Variants in TPRG1 observed in about 807,000 individuals in gnomAD.
TPRG1 encodes tumor protein p63-regulated gene 1 protein.
In TPRG1, 29 loss-of-function variants were observed where a neutral mutation model predicts 29.3. The observed-to-expected ratio is 0.99, with a 90% CI of 0.74 to 1.35. The LOEUF is 1.35. Ranked by LOEUF, TPRG1 falls within the 40% of genes most tolerant of loss-of-function variation. The pLI is 0.00. For missense variants in TPRG1, 327 were observed against 335.0 expected (o/e 0.98, Z 0.19); for synonymous variants, 130 against 116.8 (o/e 1.11, Z -0.73).
chr3:189,080,956 A>G (rs972742019), intron 4 of TPRG1, among the ~76,000 whole-genome samples: 5 of 152,100 alleles, frequency 3.3e-5, no homozygotes, highest in Non-Finnish European at 7.4e-5. Flanking sequence ...GAAGCTACTG[A>G]GATAAGTTAC....
At chr3:189,007,123 G>A (rs964738330) in intron 3 of TPRG1, among the ~76,000 whole-genome samples, 6 of 151,732 alleles carry the variant, frequency 4.0e-5, no homozygotes, top group Non-Finnish European at 7.4e-5. Flanking sequence ...TACAAAATGG[G>A]AGAAAATTTT....
At chr3:189,312,450 A>G (rs546388172) in intron 5 of TPRG1, among the ~76,000 whole-genome samples, 2 of 152,206 alleles carry the variant, frequency 1.3e-5, no homozygotes, top group African/African-American at 4.8e-5. Context: ...TTAAAATAAT[A>G]TATATTTTTG....
intron 4 of TPRG1, among the ~76,000 whole-genome samples, chr3:189,267,067 A>G (rs1714228827): frequency 6.6e-6 from 1 of 152,198 alleles, no homozygotes; most frequent in Admixed American, 6.5e-5. Context: ...GACCACATAT[A>G]TGATGGCAGT....
intron 4 of TPRG1, among the ~76,000 whole-genome samples, chr3:189,264,757 T>C (rs1228434552): frequency 6.6e-6 from 1 of 152,244 alleles, no homozygotes; most frequent in East Asian, 1.9e-4. Flanking sequence ...TAGGTTGTTG[T>C]CTTCCTAAAC....
chr3:189,097,874 T>A (rs1271520395), upstream of TPRG1, among the ~76,000 whole-genome samples: 1 of 152,226 alleles, frequency 6.6e-6, no homozygotes, highest in African/African-American at 2.4e-5. Flanking sequence ...GAACCACAAT[T>A]TGAGAACTAC....
intron 1 of TPRG1, among the ~76,000 whole-genome samples, chr3:189,114,623 C>T (rs79510970): frequency 2.1e-3 from 319 of 152,166 alleles, no homozygotes; most frequent in African/African-American, 6.6e-3. Context: ...CTCATGCCCC[C>T]GAATTCCTCC....
At chr3:189,122,596 A>C (rs3846196) in intron 1 of TPRG1, among the ~76,000 whole-genome samples, 1 of 152,180 alleles carries the variant, frequency 6.6e-6, no homozygotes, top group Non-Finnish European at 1.5e-5. Flanking sequence ...TTGAGCTAGA[A>C]GAAAACTTAC....
intron 3 of TPRG1, among the ~76,000 whole-genome samples, chr3:189,218,221 C>G (rs915346730): frequency 7.2e-5 from 11 of 152,102 alleles, no homozygotes; most frequent in Non-Finnish European, 1.3e-4. Flanking sequence ...TCACACCATT[C>G]TCCTGCCTCA....
At chr3:189,221,932 A>G (rs58437624) in intron 3 of TPRG1, among the ~76,000 whole-genome samples, 8,991 of 152,074 alleles carry the variant, frequency 0.059, 692 homozygotes, top group African/African-American at 0.18. Flanking sequence ...CTCCCAGGCC[A>G]GTTGTCTTCT....
At chr3:189,177,494 GTC>G (rs1285126058) in intron 1 of TPRG1, among the ~76,000 whole-genome samples, 2 of 150,902 alleles carry the variant, frequency 1.3e-5, no homozygotes, top group Non-Finnish European at 3.0e-5. Flanking sequence ...ACATATATAT[GTC>G]TGTTTATATA....
chr3:189,051,124 G>A (rs767430442), intron 4 of TPRG1, among the ~76,000 whole-genome samples: 3 of 152,142 alleles, frequency 2.0e-5, no homozygotes, highest in Non-Finnish European at 2.9e-5. Flanking sequence ...CATCCAAATC[G>A]GTAAAGAGGA....
chr3:189,041,798 C>G (rs1366763527), intron 4 of TPRG1, among the ~76,000 whole-genome samples: 1 of 152,168 alleles, frequency 6.6e-6, no homozygotes, highest in Non-Finnish European at 1.5e-5. Context: ...CTGAAACTGC[C>G]ATGCACAAAG....
intron 1 of TPRG1, among the ~76,000 whole-genome samples, chr3:189,115,938 C>T (rs993498561): frequency 6.6e-6 from 1 of 152,024 alleles, no homozygotes; most frequent in African/African-American, 2.4e-5. Context: ...CAATGAGATA[C>T]CACACCACAC....
chr3:189,278,192 T>A (rs1323872730), intron 4 of TPRG1, among the ~76,000 whole-genome samples: 1 of 152,132 alleles, frequency 6.6e-6, no homozygotes, highest in Non-Finnish European at 1.5e-5. Flanking sequence ...TCTGCCTTTG[T>A]AGAGTTAAAA....
chr3:189,250,503 C>T (rs1160709312), intron 4 of TPRG1, among the ~76,000 whole-genome samples: 1 of 57,776 alleles, frequency 1.7e-5, no homozygotes, highest in Non-Finnish European at 3.6e-5. Context: ...TTCTGATTTC[C>T]GCCCCCCCCC....
chr3:189,247,890 T>G (rs1317613450), intron 4 of TPRG1, among the ~76,000 whole-genome samples: 2 of 151,942 alleles, frequency 1.3e-5, no homozygotes, highest in African/African-American at 4.8e-5. Flanking sequence ...CTATTGAATA[T>G]TAATATGCTA....
intron 5 of TPRG1, among the ~76,000 whole-genome samples, chr3:189,155,804 G>A (rs917227450): frequency 3.0e-4 from 46 of 152,210 alleles, no homozygotes; most frequent in African/African-American, 1.1e-3. Context: ...TAGAAGCAGA[G>A]TGTAGAATTT....
In TPRG1 at chr3:189,076,923, C is replaced by CATATATAT. The variant is rs150949911; in HGVS notation, c.-462-50122_-462-50115dup. The stretch of plus-strand genomic sequence containing the variant: ...CACTTCACAAAAGAATATATGTGTA[C>CATATATAT]ATATATATATATATATATAGCCAAT... On this transcript the variant is annotated intron_variant, in intron 4 of 10. Transcript: ENST00000433971. Among the ~76,000 whole-genome samples the CATATATAT allele has an allele frequency of 2.1e-3, 300 of 140,666 alleles. 2 individuals carry two copies. The highest frequency in any genetic ancestry group is 8.1e-3 in the African/African-American group (284 of 34,970). The allele number at this position is 140,666 out of a possible 152,430, so 92.3% of individuals were successfully genotyped here. A position where few individuals can be genotyped will look rare whatever the true frequency, so the allele number is the denominator to read the frequency against.
At chr3:189,083,459 G>A (rs1435224789) in intron 4 of TPRG1, among the ~76,000 whole-genome samples, 2 of 152,138 alleles carry the variant, frequency 1.3e-5, no homozygotes, top group Admixed American at 1.3e-4. Context: ...TCTACCCAAG[G>A]GACCCCAGGA....
Sources: allele counts gnomAD v4.1 joint callset (sites outside exome capture counted in the v4.1 genomes callset), GRCh38; gene constraint gnomAD v4.1.1; transcripts MANE v1.5; gene names NCBI Gene and HGNC (gene_info 2026-07-23, HGNC 2026-07-21).